The following ROBO2 variants were observed in gnomAD, a reference collection of about 807,000 sequenced individuals.
The protein encoded by ROBO2 is roundabout guidance receptor 2.
A neutral mutation model predicts 160.8 loss-of-function variants in ROBO2; 53 were observed. The observed-to-expected ratio is 0.33, with a 90% CI of 0.26 to 0.41. ROBO2 has a LOEUF of 0.41. Among genes scored for constraint, ROBO2 ranks in the 10% least tolerant of loss-of-function variants. The probability of loss-of-function intolerance (pLI) is 1.00; values close to 1 mark genes in which losing one functional copy is unlikely to be tolerated. For missense variants in ROBO2, 1,577 were observed against 1,722.4 expected (o/e 0.92, Z 1.49); for synonymous variants, 664 against 611.7 (o/e 1.09, Z -1.26).
chr3:76,948,849 T>G, intron 2 of ROBO2, among the ~76,000 whole-genome samples: 1 of 133,604 alleles, frequency 7.5e-6, no homozygotes, highest in East Asian at 2.2e-4. Flanking sequence ...GGATTACAGG[T>G]GCCCGCCACC....
At position 76,664,370 on chromosome 3, in the gene ROBO2, G is replaced by C. The variant is rs139778191; in HGVS notation, c.110-433644G>C. 2.4e-3 allele frequency among the ~76,000 whole-genome samples: 370 copies of C among 152,196 alleles called. 2 individuals are homozygous for C. The highest frequency in any genetic ancestry group is 6.8e-3 in the Middle Eastern group (2 of 294). ...CTGAAGGCTACTAGCATTGATACCA[G>C]GAAGAATCATGTGCCTACTTACTAA... On this transcript the variant is annotated intron_variant, in intron 2 of 26. Coordinates refer to the ROBO2 transcript ENST00000487694.
intron 2 of ROBO2, among the ~76,000 whole-genome samples, chr3:76,656,152 G>C (rs2091513985): frequency 6.6e-6 from 1 of 152,118 alleles, no homozygotes; most frequent in Admixed American, 6.5e-5. Flanking sequence ...TGGAGTTTTA[G>C]GAAGAAGTTC....
intron 2 of ROBO2, among the ~76,000 whole-genome samples, chr3:76,688,303 A>T (rs1349231786): frequency 6.6e-6 from 1 of 152,060 alleles, no homozygotes; most frequent in African/African-American, 2.4e-5. Flanking sequence ...GTGAGAATTT[A>T]TTACGAATAC....
At chr3:76,942,368 G>A (rs2078245148) in intron 2 of ROBO2, among the ~76,000 whole-genome samples, 1 of 152,112 alleles carries the variant, frequency 6.6e-6, no homozygotes, top group Admixed American at 6.5e-5. Flanking sequence ...CTAACAACCA[G>A]CCTCCTTTAT....
intron 2 of ROBO2, among the ~76,000 whole-genome samples, chr3:77,239,910 T>C (rs2151357356): frequency 6.6e-6 from 1 of 152,256 alleles, no homozygotes; most frequent in Admixed American, 6.5e-5. Context: ...GGAGGGCTGA[T>C]TGGTGCATCC....
intron 2 of ROBO2, among the ~76,000 whole-genome samples, chr3:76,622,508 C>A (rs899878832): frequency 2.0e-5 from 3 of 151,992 alleles, no homozygotes; most frequent in African/African-American, 7.3e-5. Context: ...ATTTAACAGT[C>A]CCATCCCCTA....
intron 2 of ROBO2, among the ~76,000 whole-genome samples, chr3:76,667,492 T>C (rs1426093570): frequency 6.6e-6 from 1 of 152,190 alleles, no homozygotes; most frequent in East Asian, 1.9e-4. Context: ...CTATACGCAG[T>C]AGTGGTCAGA....
intron 2 of ROBO2, among the ~76,000 whole-genome samples, chr3:76,813,489 G>C (rs958363732): frequency 6.6e-6 from 1 of 152,028 alleles, no homozygotes; most frequent in Non-Finnish European, 1.5e-5. Flanking sequence ...ATTAAAATAT[G>C]CTGCCTTTTT....
chr3:76,017,310 G>A (rs2066432442), intron 2 of ROBO2, among the ~76,000 whole-genome samples: 1 of 152,140 alleles, frequency 6.6e-6, no homozygotes, highest in African/African-American at 2.4e-5. Context: ...CTTTGTGACA[G>A]CTCACAGTAT....
rs987901707 is a variant in ROBO2, at chr3:76,134,367, G to A, written c.109+196765G>A. ...CCTCAGTGAGTCACCTGCTTGTCAT[G>A]TATTCTCATCTTGAGAGTAAGTGGA... On this transcript the variant is annotated intron_variant, in intron 2 of 26. Transcript: ENST00000487694. Among the ~76,000 whole-genome samples, 4 of 152,036 alleles carry A rather than the reference G, an allele frequency of 2.6e-5. No homozygotes were observed. In the South Asian group the frequency reaches 6.2e-4, roughly 24 times the overall value.
At chr3:76,719,109 A>G (rs770499077) in intron 2 of ROBO2, among the ~76,000 whole-genome samples, 14 of 152,212 alleles carry the variant, frequency 9.2e-5, no homozygotes, top group Non-Finnish European at 1.9e-4. Flanking sequence ...TTTTAGAGAT[A>G]GAAAATTGAA....
chr3:76,109,522 C>A (rs2070120543), intron 2 of ROBO2, among the ~76,000 whole-genome samples: 2 of 152,142 alleles, frequency 1.3e-5, no homozygotes, highest in South Asian at 4.1e-4. Context: ...ACTTTTTCCT[C>A]CTTAACTCCA....
intron 2 of ROBO2, among the ~76,000 whole-genome samples, chr3:76,072,478 A>G (rs2068493803): frequency 6.6e-6 from 1 of 152,092 alleles, no homozygotes; most frequent in Admixed American, 6.5e-5. Flanking sequence ...TTACCAGTTT[A>G]TCCAATAAGG....
At chr3:77,599,623 T>C (rs1368234210) in intron 19 of ROBO2, among the ~76,000 whole-genome samples, 2 of 151,572 alleles carry the variant, frequency 1.3e-5, no homozygotes, top group Non-Finnish European at 2.9e-5. Flanking sequence ...GTTGTGCCCA[T>C]GTACCCTAAA....
chr3:76,351,074 A>G (rs1373334807), intron 2 of ROBO2, among the ~76,000 whole-genome samples: 2 of 151,938 alleles, frequency 1.3e-5, no homozygotes, highest in African/African-American at 2.4e-5. Flanking sequence ...AATTTTTACT[A>G]AACATCATGT....
At chr3:76,220,932 G>A (rs1703924771) in intron 2 of ROBO2, among the ~76,000 whole-genome samples, 1 of 152,132 alleles carries the variant, frequency 6.6e-6, no homozygotes, top group South Asian at 2.1e-4. Flanking sequence ...AACTTGCAGG[G>A]TGGTCACAAC....
At chr3:76,735,763 A>G (rs1374044192) in intron 2 of ROBO2, among the ~76,000 whole-genome samples, 1 of 56,786 alleles carries the variant, frequency 1.8e-5, no homozygotes, top group East Asian at 4.0e-4. Flanking sequence ...CTGTCTCAAA[A>G]AAAAAAAAAA....
At chr3:76,106,027 G>A (rs1313342387) in intron 2 of ROBO2, among the ~76,000 whole-genome samples, 2 of 152,022 alleles carry the variant, frequency 1.3e-5, no homozygotes, top group South Asian at 2.1e-4. Flanking sequence ...CAGGTTAGAG[G>A]TTCAATATTC....
chr3:77,637,059 C>G (rs2153718738), intron 24 of ROBO2, among the ~76,000 whole-genome samples: 1 of 152,250 alleles, frequency 6.6e-6, no homozygotes, highest in Admixed American at 6.5e-5. Flanking sequence ...CAATTAAACA[C>G]CAAAAGGATA....
Sources: allele counts gnomAD v4.1 joint callset (sites outside exome capture counted in the v4.1 genomes callset), GRCh38; gene constraint gnomAD v4.1.1; transcripts MANE v1.5; gene names NCBI Gene and HGNC (gene_info 2026-07-23, HGNC 2026-07-21).